DLC1: variants seen among roughly 807,000 people sequenced by gnomAD.
DLC1 encodes the protein rho GTPase-activating protein 7.
DLC1 carries 54 observed loss-of-function variants against 140.3 expected under a neutral mutation model. The ratio of observed to expected loss-of-function variants is 0.38; its 90% CI spans 0.31 to 0.48. The LOEUF is 0.48. Among genes scored for constraint, DLC1 ranks in the 20% least tolerant of loss-of-function variants. DLC1 has a pLI of 0.96. For synonymous variants in DLC1, 986 were observed against 728.1 expected (o/e 1.35, Z -5.70); for missense variants, 2,536 against 1,907.0 (o/e 1.33, Z -6.14).
chr8:13,090,587 T>C, intron 14 of DLC1, 117 bp from the exon 15 acceptor site: 1 of 1,202,268 alleles, frequency 8.3e-7, no homozygotes, highest in African/African-American at 1.5e-5. Context: ...AGTGCAGGCA[T>C]CTTCCCGCCG....
At chr8:13,567,264 C>T in intron 1 of DLC1, 1 of 1,551,736 alleles carries the variant, frequency 6.4e-7, no homozygotes, top group East Asian at 2.4e-5. Flanking sequence ...TCAACTACCT[C>T]AAGCTCAAAG....
intron 1 of DLC1, among the ~76,000 whole-genome samples, chr8:13,580,409 C>T (rs2117442989): frequency 1.3e-5 from 2 of 152,334 alleles, no homozygotes; most frequent in Admixed American, 1.3e-4. Flanking sequence ...GCGTGAGCCA[C>T]CGCGCCCGGC....
intron 2 of DLC1, among the ~76,000 whole-genome samples, chr8:13,404,942 G>A (rs181530554): frequency 6.6e-6 from 1 of 152,238 alleles, no homozygotes; most frequent in Admixed American, 6.5e-5. Context: ...GGGAGGCAGA[G>A]GCAGCAGTGA....
At chr8:13,475,749 C>T (rs1161367724) in intron 2 of DLC1, among the ~76,000 whole-genome samples, 1 of 152,132 alleles carries the variant, frequency 6.6e-6, no homozygotes, top group African/African-American at 2.4e-5. Flanking sequence ...GTACATGAGG[C>T]TAAAAGTGAG....
intron 5 of DLC1, among the ~76,000 whole-genome samples, chr8:13,230,029 C>T (rs888307569): frequency 1.3e-5 from 2 of 152,232 alleles, no homozygotes; most frequent in African/African-American, 4.8e-5. Context: ...TTGATCTCTT[C>T]TGTGGTAGCT....
At chr8:13,543,586 G>A (rs1803557046) in intron 1 of DLC1, among the ~76,000 whole-genome samples, 2 of 152,172 alleles carry the variant, frequency 1.3e-5, no homozygotes, top group South Asian at 2.1e-4. Flanking sequence ...TAAAGAAAAT[G>A]TGATACATAT....
chr8:13,330,637 G>T (rs1833546029), intron 4 of DLC1, among the ~76,000 whole-genome samples: 1 of 152,112 alleles, frequency 6.6e-6, no homozygotes, highest in African/African-American at 2.4e-5. Flanking sequence ...ATGAAGCTGT[G>T]GTCTCTGCAT....
intron 5 of DLC1, among the ~76,000 whole-genome samples, chr8:13,298,777 G>C (rs745979813): frequency 6.6e-6 from 1 of 152,166 alleles, no homozygotes; most frequent in Non-Finnish European, 1.5e-5. Flanking sequence ...CTCACTACTT[G>C]AGTGACGGGG....
intron 5 of DLC1, among the ~76,000 whole-genome samples, chr8:13,135,054 T>A (rs1822451413): frequency 6.6e-6 from 1 of 152,040 alleles, no homozygotes; most frequent in African/African-American, 2.4e-5. Context: ...CTCATGAGTG[T>A]GGGAGCCGGA....
chr8:13,218,253 A>C (rs1433490019), intron 5 of DLC1, among the ~76,000 whole-genome samples: 2 of 152,184 alleles, frequency 1.3e-5, no homozygotes, highest in African/African-American at 2.4e-5. Context: ...AATGGATTGA[A>C]GGCCTATGTT....
chr8:13,464,197 G>C (rs1311736779), intron 2 of DLC1, among the ~76,000 whole-genome samples: 1 of 152,112 alleles, frequency 6.6e-6, no homozygotes, highest in East Asian at 1.9e-4. Flanking sequence ...TCTTAATCTG[G>C]AGGGCTAGAT....
intron 5 of DLC1, among the ~76,000 whole-genome samples, chr8:13,156,932 T>G (rs1824300694): frequency 6.6e-6 from 1 of 152,228 alleles, no homozygotes; most frequent in Non-Finnish European, 1.5e-5. Flanking sequence ...TGTGATTTTT[T>G]TTTCCGAGTA....
intron 2 of DLC1, among the ~76,000 whole-genome samples, chr8:13,456,458 T>A (rs532225306): frequency 0.016 from 2,381 of 152,176 alleles, 60 homozygotes; most frequent in African/African-American, 0.054. Flanking sequence ...TTTTTATTTT[T>A]TTTTTTATTT....
At chr8:13,583,613 A>G (rs976856430) in intron 1 of DLC1, among the ~76,000 whole-genome samples, 1 of 152,254 alleles carries the variant, frequency 6.6e-6, no homozygotes, top group African/African-American at 2.4e-5. Context: ...GTGAAGCACT[A>G]TAAAACAAGG....
chr8:13,558,548 T>C (rs576136775), intron 1 of DLC1: 2 of 152,338 alleles, frequency 1.3e-5, no homozygotes, highest in South Asian at 2.1e-4. Flanking sequence ...ATTTCATAGA[T>C]TGTTATGACA....
chr8:13,316,488 G>T (rs1235686545), intron 4 of DLC1, among the ~76,000 whole-genome samples: 1 of 151,996 alleles, frequency 6.6e-6, no homozygotes, highest in Non-Finnish European at 1.5e-5. Flanking sequence ...TCCCAGTCTG[G>T]ATGATAATTT....
chr8:13,322,878 C>G, intron 4 of DLC1, among the ~76,000 whole-genome samples: 1 of 152,046 alleles, frequency 6.6e-6, no homozygotes, highest in South Asian at 2.1e-4. Flanking sequence ...TGATGGTATG[C>G]GACTTCTGAC....
chr8:13,365,960 G>A (rs986451696), intron 4 of DLC1, among the ~76,000 whole-genome samples: 1 of 152,148 alleles, frequency 6.6e-6, no homozygotes, highest in Non-Finnish European at 1.5e-5. Context: ...AAAGAGAGGG[G>A]AAAATGTACC....
At chr8:13,273,002 A>C (rs1445537219) in intron 5 of DLC1, among the ~76,000 whole-genome samples, 2 of 152,246 alleles carry the variant, frequency 1.3e-5, no homozygotes, top group Non-Finnish European at 2.9e-5. Context: ...TTATGTTTTG[A>C]ATACTTTGAT....
Sources: allele counts gnomAD v4.1 joint callset (sites outside exome capture counted in the v4.1 genomes callset), GRCh38; gene constraint gnomAD v4.1.1; transcripts MANE v1.5; gene names NCBI Gene and HGNC (gene_info 2026-07-23, HGNC 2026-07-21).